Variants in KYNU observed in about 807,000 individuals in gnomAD.
The protein encoded by KYNU is L-kynurenine hydrolase.
Under a neutral mutation model 59.2 loss-of-function variants are expected in KYNU, and 54 were observed. The observed-to-expected ratio is 0.91, with a 90% CI of 0.73 to 1.14. The LOEUF (loss-of-function observed/expected upper bound fraction) is 1.14. Among genes scored for constraint, KYNU ranks in the 50% most tolerant of loss-of-function variants. The pLI, the probability that KYNU is intolerant of heterozygous loss-of-function variation, is 0.00. For synonymous variants in KYNU, 177 were observed against 192.0 expected (o/e 0.92, Z 0.65); for missense variants, 567 against 554.4 (o/e 1.02, Z -0.23).
chr2:143,014,927 T>C (rs1040180618), intron 10 of KYNU, among the ~76,000 whole-genome samples: 5 of 152,198 alleles, frequency 3.3e-5, no homozygotes, highest in Admixed American at 2.0e-4. Context: ...AGGGTCTGGC[T>C]CCGTCACCCA....
intron 8 of KYNU, among the ~76,000 whole-genome samples, chr2:142,983,119 GCAAGT>G (rs745432335): frequency 0.011 from 1,660 of 152,128 alleles, 13 homozygotes; most frequent in Middle Eastern, 0.02. Flanking sequence ...GAGGGGTTCT[GCAAGT>G]CTCAGCTGAG....
intron 10 of KYNU, among the ~76,000 whole-genome samples, chr2:143,012,495 A>C (rs1360068386): frequency 6.6e-6 from 1 of 151,640 alleles, no homozygotes; most frequent in Non-Finnish European, 1.5e-5. Context: ...AAAAACAAAA[A>C]AAAAAAAAAA....
At chr2:142,991,864 T>C (rs889803187) in intron 10 of KYNU, among the ~76,000 whole-genome samples, 1 of 151,892 alleles carries the variant, frequency 6.6e-6, no homozygotes, top group African/African-American at 2.4e-5. Context: ...TTTCATCTGA[T>C]TGCAAATTGC....
intron 2 of KYNU, among the ~76,000 whole-genome samples, chr2:142,910,591 GT>G (rs1682450445): frequency 1.3e-5 from 2 of 152,104 alleles, no homozygotes; most frequent in African/African-American, 4.8e-5. Flanking sequence ...GGTCCCACTT[GT>G]CAGTTTGGGG....
chr2:142,915,295 G>C (rs1682633131), intron 2 of KYNU, among the ~76,000 whole-genome samples: 1 of 152,168 alleles, frequency 6.6e-6, no homozygotes, highest in African/African-American at 2.4e-5. Context: ...CTTCATAAGG[G>C]AAAGAGCTAA....
At chr2:143,012,326 A>G (rs942604452) in intron 10 of KYNU, among the ~76,000 whole-genome samples, 2 of 151,954 alleles carry the variant, frequency 1.3e-5, no homozygotes, top group African/African-American at 4.8e-5. Flanking sequence ...TACTAAAAAT[A>G]CAAAAAGTTA....
At chr2:142,892,512 G>A (rs570173531) in intron 2 of KYNU, among the ~76,000 whole-genome samples, 1 of 152,280 alleles carries the variant, frequency 6.6e-6, no homozygotes, top group Non-Finnish European at 1.5e-5. Flanking sequence ...AAATAATAAG[G>A]TACGGAATAG....
intron 10 of KYNU, among the ~76,000 whole-genome samples, chr2:143,025,497 C>A (rs963242854): frequency 6.6e-6 from 1 of 152,092 alleles, no homozygotes; most frequent in African/African-American, 2.4e-5. Context: ...GATGTGCCTC[C>A]TTTTTCTGCA....
intron 7 of KYNU, among the ~76,000 whole-genome samples, chr2:142,958,308 C>A (rs1456653423): frequency 6.6e-6 from 1 of 152,130 alleles, no homozygotes; most frequent in East Asian, 1.9e-4. Context: ...TATATTTAAA[C>A]AGATAACAAA....
At chr2:142,883,186 C>CTTTTTT (rs70997528) in intron 1 of KYNU, among the ~76,000 whole-genome samples, 6 of 72,038 alleles carry the variant, frequency 8.3e-5, no homozygotes, top group Non-Finnish European at 1.2e-4. Flanking sequence ...TCCCAAATTT[C>CTTTTTT]TTTTTTTTTT....
chr2:143,013,296 C>G (rs1416769270), intron 10 of KYNU, among the ~76,000 whole-genome samples: 1 of 120,658 alleles, frequency 8.3e-6, no homozygotes, highest in Admixed American at 8.0e-5. Context: ...CTGTCTCTTT[C>G]TCTGTGTGTG....
At chr2:143,021,117 A>G (rs930617145) in intron 10 of KYNU, among the ~76,000 whole-genome samples, 11 of 151,880 alleles carry the variant, frequency 7.2e-5, no homozygotes, top group East Asian at 3.9e-4. Context: ...TCCTTTGGCC[A>G]TTTTTCTTAG....
Position 142,919,561 on chromosome 2 carries a change from T to C in KYNU, c.290+832T>C, listed in dbSNP as rs187954011. On this transcript the variant is annotated intron_variant, in intron 3 of 13. Transcript: ENST00000264170. ...TCAGAGGAAAAACATTTGGCTGTCA[T>C]AGAAACTCAGAATACATTCTTTACC... Among the ~76,000 whole-genome samples, 14 of 152,326 alleles carry C rather than the reference T, an allele frequency of 9.2e-5. 1 individual carries two copies. The highest frequency in any genetic ancestry group is 6.8e-3 in the Middle Eastern group (2 of 294).
intron 10 of KYNU, among the ~76,000 whole-genome samples, chr2:142,991,630 T>A (rs1000880187): frequency 2.6e-5 from 4 of 151,932 alleles, no homozygotes; most frequent in South Asian, 2.1e-4. Context: ...TCTAAACTTC[T>A]GTGGTACCGT....
At chr2:142,955,177 G>A (rs949331137) in intron 5 of KYNU, among the ~76,000 whole-genome samples, 2 of 151,964 alleles carry the variant, frequency 1.3e-5, no homozygotes, top group East Asian at 3.9e-4. Flanking sequence ...TACAATGCTA[G>A]CAAAGCACTG....
chr2:142,941,903 T>G (rs1411642201), intron 4 of KYNU, among the ~76,000 whole-genome samples: 1 of 152,158 alleles, frequency 6.6e-6, no homozygotes, highest in Non-Finnish European at 1.5e-5. Flanking sequence ...GCACAGTGGC[T>G]CACGCCTGTA....
chr2:142,951,336 A>G (rs1295818887), intron 4 of KYNU, among the ~76,000 whole-genome samples: 1 of 152,142 alleles, frequency 6.6e-6, no homozygotes, highest in Non-Finnish European at 1.5e-5. Context: ...GCAGGAAGAT[A>G]GCCTAAGCTC....
intron 10 of KYNU, among the ~76,000 whole-genome samples, chr2:143,014,855 C>A (rs1686206172): frequency 6.6e-6 from 1 of 152,084 alleles, no homozygotes; most frequent in African/African-American, 2.4e-5. Flanking sequence ...CATAGAAAAA[C>A]AGGGACAGAT....
intron 12 of KYNU, among the ~76,000 whole-genome samples, chr2:143,037,149 G>A (rs1005288462): frequency 1.3e-5 from 2 of 151,884 alleles, no homozygotes; most frequent in African/African-American, 4.8e-5. Flanking sequence ...TTAAAATATT[G>A]TGGATCAAGG....
Sources: gnomAD v4.1 joint callset for allele counts (sites outside exome capture counted in the v4.1 genomes callset) on GRCh38, gnomAD v4.1.1 for gene constraint, MANE v1.5 for transcripts, NCBI Gene and HGNC (gene_info 2026-07-23, HGNC 2026-07-21) for gene names.